The following CNTNAP2 variants were observed in gnomAD, a reference collection of about 807,000 sequenced individuals.
CNTNAP2 encodes the protein contactin associated protein 2, also known as contactin-associated protein-like 2.
In CNTNAP2, 98 loss-of-function variants were observed where a neutral mutation model predicts 155.2. That is an observed-to-expected ratio of 0.63 (90% confidence interval 0.54 to 0.75). The LOEUF is 0.75. Among genes scored for constraint, CNTNAP2 ranks in the 30% least tolerant of loss-of-function variants. The probability of loss-of-function intolerance (pLI) is 0.00; values close to 1 mark genes in which losing one functional copy is unlikely to be tolerated. For synonymous variants in CNTNAP2, 651 were observed against 631.2 expected (o/e 1.03, Z -0.47); for missense variants, 1,727 against 1,688.1 (o/e 1.02, Z -0.40).
intron 8 of CNTNAP2, among the ~76,000 whole-genome samples, chr7:147,194,046 G>C (rs943215692): frequency 4.0e-5 from 6 of 151,678 alleles, no homozygotes; most frequent in East Asian, 1.9e-4. Context: ...GTGGTTTGCT[G>C]TACCTATTGA....
intron 1 of CNTNAP2, among the ~76,000 whole-genome samples, chr7:146,707,062 C>G (rs1563196982): frequency 6.6e-6 from 1 of 152,108 alleles, no homozygotes; most frequent in African/African-American, 2.4e-5. Flanking sequence ...ATCTGCAATT[C>G]GAATGTATTT....
chr7:146,592,935 C>A (rs117398569), intron 1 of CNTNAP2, among the ~76,000 whole-genome samples: 1 of 151,878 alleles, frequency 6.6e-6, no homozygotes, highest in East Asian at 1.9e-4. Context: ...CCTTAGCAAC[C>A]TCCAGGTTAA....
intron 11 of CNTNAP2, among the ~76,000 whole-genome samples, chr7:147,546,891 C>A (rs1038882943): frequency 6.6e-6 from 1 of 152,166 alleles, no homozygotes; most frequent in East Asian, 1.9e-4. Flanking sequence ...CATATGCATG[C>A]ATGAGGCCAC....
intron 3 of CNTNAP2, among the ~76,000 whole-genome samples, chr7:146,878,656 C>T (rs1402905659): frequency 6.6e-6 from 1 of 152,092 alleles, no homozygotes; most frequent in Non-Finnish European, 1.5e-5. Context: ...ATTGACAGCG[C>T]CTGTTTCTCT....
At chr7:146,826,174 G>A (rs1010817138) in intron 2 of CNTNAP2, among the ~76,000 whole-genome samples, 1 of 152,024 alleles carries the variant, frequency 6.6e-6, no homozygotes, top group African/African-American at 2.4e-5. Context: ...ACTATATTTA[G>A]TTACTAGTTA....
chr7:146,674,676 T>C (rs1038775247), intron 1 of CNTNAP2, among the ~76,000 whole-genome samples: 3 of 152,094 alleles, frequency 2.0e-5, no homozygotes, highest in African/African-American at 7.2e-5. Flanking sequence ...AAAGAGGCAG[T>C]TGGACCCGGG....
chr7:146,606,276 T>G (rs1368050530), intron 1 of CNTNAP2, among the ~76,000 whole-genome samples: 1 of 152,170 alleles, frequency 6.6e-6, no homozygotes, highest in Non-Finnish European at 1.5e-5. Flanking sequence ...GCTTGAGCAT[T>G]ATAGATGTAA....
intron 8 of CNTNAP2, among the ~76,000 whole-genome samples, chr7:147,230,449 G>A (rs1270543175): frequency 6.6e-6 from 1 of 151,984 alleles, no homozygotes; most frequent in African/African-American, 2.4e-5. Context: ...GTAGAGACGG[G>A]GTTTTGCCAT....
intron 11 of CNTNAP2, among the ~76,000 whole-genome samples, chr7:147,541,639 G>T (rs1799642275): frequency 6.6e-6 from 1 of 152,144 alleles, no homozygotes; most frequent in South Asian, 2.1e-4. Context: ...ATCGTACCCT[G>T]TAAGGTAAGG....
intron 8 of CNTNAP2, among the ~76,000 whole-genome samples, chr7:147,225,683 C>T (rs1803504931): frequency 6.6e-6 from 1 of 151,108 alleles, no homozygotes; most frequent in South Asian, 2.1e-4. Context: ...ATACTCTTAA[C>T]ATTCCGGTGT....
At chr7:147,894,778 A>G (rs1428211549) in intron 13 of CNTNAP2, among the ~76,000 whole-genome samples, 1 of 151,956 alleles carries the variant, frequency 6.6e-6, no homozygotes, top group Non-Finnish European at 1.5e-5. Context: ...GCAGCCTGTT[A>G]AGTTACTCTG....
At chr7:146,367,583 TA>T (rs1471503264) in intron 1 of CNTNAP2, among the ~76,000 whole-genome samples, 1 of 152,124 alleles carries the variant, frequency 6.6e-6, no homozygotes, top group African/African-American at 2.4e-5. Context: ...TGTATAGACT[TA>T]ACATTTTACA....
At chr7:146,187,858 TA>T (rs1396596774) in intron 1 of CNTNAP2, among the ~76,000 whole-genome samples, 1 of 152,154 alleles carries the variant, frequency 6.6e-6, no homozygotes, top group African/African-American at 2.4e-5. Context: ...CTGAAAACTA[TA>T]ATAACAAATG....
intron 15 of CNTNAP2, among the ~76,000 whole-genome samples, chr7:147,985,148 A>AAATAAATAAATAAAAG (rs148373501): frequency 3.0e-4 from 46 of 151,404 alleles, no homozygotes; most frequent in African/African-American, 8.7e-4. Flanking sequence ...ATAAATAAAT[A>AAATAAATAAATAAAAG]ACTATTTACA....
intron 4 of CNTNAP2, among the ~76,000 whole-genome samples, chr7:147,044,903 A>G (rs1169976586): frequency 6.6e-6 from 1 of 151,986 alleles, no homozygotes; most frequent in Non-Finnish European, 1.5e-5. Flanking sequence ...TTGATGGTGA[A>G]TTCTTCTTGA....
chr7:147,975,050 G>GTATAATACAATTTTTTGTATTACA (rs1801404027), intron 14 of CNTNAP2, among the ~76,000 whole-genome samples: 3 of 148,618 alleles, frequency 2.0e-5, no homozygotes, highest in South Asian at 4.2e-4. Context: ...TTTGTATTAC[G>GTATAATACAATTTTTTGTATTACA]TATAATACAA....
At chr7:146,507,508 C>A (rs572311993) in intron 1 of CNTNAP2, among the ~76,000 whole-genome samples, 3 of 152,280 alleles carry the variant, frequency 2.0e-5, no homozygotes, top group African/African-American at 7.2e-5. Context: ...GTTTTCTGAG[C>A]CAAATGGAGC....
At chr7:146,364,404 C>G (rs1795126755) in intron 1 of CNTNAP2, among the ~76,000 whole-genome samples, 1 of 152,170 alleles carries the variant, frequency 6.6e-6, no homozygotes, top group Non-Finnish European at 1.5e-5. Flanking sequence ...GAATGCAGTT[C>G]TCTTCACTCC....
At chr7:147,822,113 G>C (rs377330264) in intron 13 of CNTNAP2, among the ~76,000 whole-genome samples, 23 of 152,128 alleles carry the variant, frequency 1.5e-4, no homozygotes, top group African/African-American at 4.6e-4. Flanking sequence ...GGTCTGACAA[G>C]AGCAATTTCT....
Sources: gnomAD v4.1 joint callset for allele counts (sites outside exome capture counted in the v4.1 genomes callset) on GRCh38, gnomAD v4.1.1 for gene constraint, MANE v1.5 for transcripts, NCBI Gene and HGNC (gene_info 2026-07-23, HGNC 2026-07-21) for gene names.